RBMS3: variants seen among roughly 807,000 people sequenced by gnomAD.
The protein encoded by RBMS3 is RNA binding motif single stranded interacting protein 3.
In RBMS3, 27 loss-of-function variants were observed where a neutral mutation model predicts 66.8. The observed-to-expected ratio is 0.40, with a 90% CI of 0.30 to 0.56. RBMS3 has a LOEUF of 0.56. Among genes scored for constraint, RBMS3 ranks in the 20% least tolerant of loss-of-function variants. The probability of loss-of-function intolerance (pLI) is 0.40; values close to 1 mark genes in which losing one functional copy is unlikely to be tolerated. For synonymous variants in RBMS3, 188 were observed against 183.0 expected (o/e 1.03, Z -0.22); for missense variants, 513 against 549.5 (o/e 0.93, Z 0.66).
intron 4 of RBMS3, among the ~76,000 whole-genome samples, chr3:29,598,988 TA>T (rs908338978): frequency 1.3e-5 from 2 of 151,976 alleles, no homozygotes; most frequent in African/African-American, 4.8e-5. Flanking sequence ...GTAACAGAAC[TA>T]AATTCCATAT....
In RBMS3 at chr3:29,936,187, A is replaced by T; in HGVS notation, c.1041A>T (p.Thr347=). 6.2e-7 allele frequency: 1 copy of T among 1,612,706 alleles called. No homozygotes were observed. The highest frequency in any genetic ancestry group is 8.5e-7 in the Non-Finnish European group (1 of 1,179,204). ...AGATGAATCACCTTTCGTTGGGCAC[A>T]ACAGGAACGGTGAGTTGAAGAGATT... The part of the protein sequence containing the change: ...TQQMNHLSLG[T]TGTIQSQDRI... The change falls in exon 11 of 15, where the codon ACA becomes ACT. Residue 347 remains threonine (T), a synonymous_variant. Transcript: ENST00000383767.
At position 29,488,432 on chromosome 3, in the gene RBMS3, CT is replaced by C; in HGVS notation, c.249-8del. ...ATAACATGGGTTTTTTTCTCTCTCT[CT>C]CTTTCAGGTATGGAAAAATTGTATC... On this transcript the variant is annotated splice_region_variant and splice_polypyrimidine_tract_variant and intron_variant, in intron 2 of 14. Coordinates refer to ENST00000383767, the MANE Select transcript of RBMS3 (RefSeq NM_001003793.3). 1 of 1,598,340 alleles carries C rather than the reference CT, an allele frequency of 6.3e-7. No homozygotes were observed.
At chr3:29,583,263 G>A (rs370397336) in intron 3 of RBMS3, among the ~76,000 whole-genome samples, 98 of 152,168 alleles carry the variant, frequency 6.4e-4, no homozygotes, top group African/African-American at 2.2e-3. Flanking sequence ...GTACCATGTG[G>A]GGGTGGAAAG....
At chr3:29,398,707 T>C (rs757283875) in intron 1 of RBMS3, among the ~76,000 whole-genome samples, 76 of 152,254 alleles carry the variant, frequency 5.0e-4, no homozygotes, top group Middle Eastern at 6.8e-3. Flanking sequence ...ATAGTGTTCT[T>C]AGTGCTTACA....
intron 4 of RBMS3, among the ~76,000 whole-genome samples, chr3:29,706,371 G>A (rs542893977): frequency 6.6e-6 from 1 of 152,260 alleles, no homozygotes; most frequent in South Asian, 2.1e-4. Context: ...TATGCAAGGA[G>A]GGCTATGATA....
intron 4 of RBMS3, among the ~76,000 whole-genome samples, chr3:29,679,765 A>C (rs2051408782): frequency 2.1e-5 from 2 of 95,148 alleles, no homozygotes; most frequent in Non-Finnish European, 4.1e-5. Flanking sequence ...ATACTACTTG[A>C]CTGTATATAT....
intron 6 of RBMS3, among the ~76,000 whole-genome samples, chr3:29,826,024 G>T (rs569134561): frequency 6.6e-6 from 1 of 152,080 alleles, no homozygotes; most frequent in African/African-American, 2.4e-5. Context: ...TGATTCCTTT[G>T]AAAGCTTTTG....
intron 6 of RBMS3, among the ~76,000 whole-genome samples, chr3:29,770,668 A>G (rs1410048123): frequency 6.6e-6 from 1 of 152,008 alleles, no homozygotes; most frequent in Non-Finnish European, 1.5e-5. Context: ...TACAAAATAA[A>G]TAATAAAACA....
chr3:29,388,098 C>T (rs1264801874), intron 1 of RBMS3, among the ~76,000 whole-genome samples: 3 of 149,062 alleles, frequency 2.0e-5, no homozygotes, highest in Non-Finnish European at 4.4e-5. Flanking sequence ...CACACACACA[C>T]ACACACACAC....
At chr3:29,310,320 T>A (rs1435883099) in intron 1 of RBMS3, among the ~76,000 whole-genome samples, 1 of 151,640 alleles carries the variant, frequency 6.6e-6, no homozygotes, top group African/African-American at 2.4e-5. Context: ...CCGGATAAGG[T>A]CATATCTGGA....
intron 4 of RBMS3, among the ~76,000 whole-genome samples, chr3:29,663,758 A>T (rs969258720): frequency 2.9e-4 from 24 of 84,020 alleles, no homozygotes; most frequent in Admixed American, 9.8e-4. Flanking sequence ...TTCTTTTTTA[A>T]AAAAAAATTA....
At chr3:29,388,380 G>A (rs967638138) in intron 1 of RBMS3, among the ~76,000 whole-genome samples, 7 of 152,114 alleles carry the variant, frequency 4.6e-5, no homozygotes, top group Non-Finnish European at 8.8e-5. Flanking sequence ...ATAAATATTT[G>A]TTGCATGAAT....
chr3:29,513,938 C>T (rs2044512698), intron 3 of RBMS3, among the ~76,000 whole-genome samples: 1 of 152,124 alleles, frequency 6.6e-6, no homozygotes, highest in Non-Finnish European at 1.5e-5. Flanking sequence ...CACAATCATG[C>T]CCTGGGGAAA....
chr3:29,663,792 T>C (rs2050649345), intron 4 of RBMS3, among the ~76,000 whole-genome samples: 1 of 152,200 alleles, frequency 6.6e-6, no homozygotes, highest in Non-Finnish European at 1.5e-5. Context: ...GAGAATATCA[T>C]GGTTTTGGCT....
At chr3:29,368,040 C>T (rs2038000316) in intron 1 of RBMS3, among the ~76,000 whole-genome samples, 1 of 152,198 alleles carries the variant, frequency 6.6e-6, no homozygotes, top group African/African-American at 2.4e-5. Flanking sequence ...ACACAACTCA[C>T]TGAAACTGTA....
chr3:29,777,865 T>C (rs2149404783), intron 6 of RBMS3, among the ~76,000 whole-genome samples: 1 of 152,050 alleles, frequency 6.6e-6, no homozygotes, highest in Non-Finnish European at 1.5e-5. Flanking sequence ...GTTTCTCTTT[T>C]CCCAAAGTTT....
At chr3:29,451,166 C>T (rs1363858227) in intron 2 of RBMS3, among the ~76,000 whole-genome samples, 2 of 152,168 alleles carry the variant, frequency 1.3e-5, no homozygotes, top group African/African-American at 4.8e-5. Flanking sequence ...CAATTTCACT[C>T]CTAGGACAGA....
intron 6 of RBMS3, among the ~76,000 whole-genome samples, chr3:29,776,552 A>G (rs1264737440): frequency 6.6e-6 from 1 of 152,038 alleles, no homozygotes; most frequent in Non-Finnish European, 1.5e-5. Flanking sequence ...TGTTAACAAT[A>G]TCTCCTTTAC....
At chr3:29,328,358 T>G (rs2035460334) in intron 1 of RBMS3, among the ~76,000 whole-genome samples, 1 of 152,158 alleles carries the variant, frequency 6.6e-6, no homozygotes, top group Admixed American at 6.6e-5. Flanking sequence ...TTTCTGTAAA[T>G]GTGAATAAAC....
Sources: gnomAD v4.1 joint callset for allele counts (sites outside exome capture counted in the v4.1 genomes callset) on GRCh38, gnomAD v4.1.1 for gene constraint, MANE v1.5 for transcripts, NCBI Gene and HGNC (gene_info 2026-07-23, HGNC 2026-07-21) for gene names.